Variants in AMER1 observed in about 807,000 individuals in gnomAD.
AMER1 encodes RP11-403E24.2.
A neutral mutation model predicts 53.0 loss-of-function variants in AMER1; 16 were observed. The ratio of observed to expected loss-of-function variants is 0.30; its 90% CI spans 0.20 to 0.46. The LOEUF (loss-of-function observed/expected upper bound fraction) is 0.46, where lower values mean the gene tolerates loss of function less well. Ranked by LOEUF, AMER1 falls within the 20% of genes least tolerant of loss-of-function variation. The pLI, the probability that AMER1 is intolerant of heterozygous loss-of-function variation, is 1.00. For synonymous variants in AMER1, 354 were observed against 331.9 expected, an observed-to-expected ratio of 1.07 and a Z score of -0.73; for missense variants, 947 against 884.9, an observed-to-expected ratio of 1.07 and a Z score of -0.89.
chrX:64,199,632 A>G (rs1045337685), intron 1 of AMER1, among the ~76,000 whole-genome samples: 2 of 110,792 alleles, frequency 1.8e-5, no homozygotes, highest in African/African-American at 3.3e-5. Context: ...CAGCTCCCCA[A>G]TTGCCACCCC....
rs2147085064 is a variant in AMER1, at chrX:64,190,405, C to T, written c.2882G>A (p.Trp961Ter). The T allele has an allele frequency of 8.3e-7, 1 of 1,211,369 alleles. No homozygotes were observed. The highest frequency in any genetic ancestry group is 1.1e-6 in the Non-Finnish European group (1 of 895,217). The change falls in exon 2 of 2, where the codon TGG becomes TAG. Residue 961 changes from tryptophan (W) to a stop codon, truncating the protein, a stop_gained. Coordinates refer to ENST00000374869, the MANE Select transcript of AMER1 (RefSeq NM_152424.4). LOFTEE classifies it high-confidence loss of function. ...CCCCACTGGAAGAGGACAGGGAGCC[C>T]AAGCAGGCCAATCATAGGCCCCTGG... ...EPPGAYDWPA[W>*]APCPLPVGPG...
At position 64,205,559 on chromosome X, in the gene AMER1, G is replaced by C. The variant is rs974471218; in HGVS notation, c.-99+11C>G. The C allele has an allele frequency of 6.2e-5, 7 of 113,012 alleles. No individual in the cohort carries two copies. The highest frequency in any genetic ancestry group is 2.3e-4 in the African/African-American group (7 of 31,089). 9.3% of individuals were successfully genotyped at this position (113,012 alleles called of 1,213,427 possible). Reference sequence around the variant, plus strand: ...GGCAGGCGGAGGCTCCTGGCTGTACGCAACGCTTACCCAGCCCGGTCAGGT... The same window carrying C: ...GGCAGGCGGAGGCTCCTGGCTGTACCCAACGCTTACCCAGCCCGGTCAGGT... On this transcript the variant is annotated intron_variant, in intron 1 of 1. Transcript: ENST00000374869.
chrX:64,201,844 C>T (rs923485621), intron 1 of AMER1, among the ~76,000 whole-genome samples: 1 of 111,702 alleles, frequency 9.0e-6, no homozygotes, highest in Admixed American at 9.4e-5. Context: ...CAGGAAATTT[C>T]GTGTTTCTTT....
In AMER1 at chrX:64,191,533, G is replaced by A. The variant is rs770324959; in HGVS notation, c.1754C>T (p.Ala585Val). Residue 585 changes from alanine to valine, a missense_variant, in exon 2 of 2, where the codon GCC becomes GTC. Transcript: ENST00000374869. ...REQLEAQEAR[A>V]REAHAREAHA... ...GGCCTCCCTGGCATGAGCTTCTCGG[G>A]CACGTGCCTCCTGGGCCTCAAGCTG... The A allele has an allele frequency of 4.9e-6, 6 of 1,212,151 alleles. No individual in the cohort carries two copies. The highest frequency in any genetic ancestry group is 6.7e-6 in the Non-Finnish European group (6 of 895,630).
At position 64,193,165 on chromosome X, in the gene AMER1, G is replaced by T. The variant is rs2147091280; in HGVS notation, c.122C>A (p.Thr41Asn). 8.3e-7 allele frequency: 1 copy of T among 1,211,974 alleles called. No homozygotes were observed. The highest frequency in any genetic ancestry group is 1.1e-6 in the Non-Finnish European group (1 of 895,573). The part of the protein sequence containing the change: ...NKAAEATEGP[T>N]SEPSSSGPGR... Reference sequence around the variant, plus strand: ...TGGGCCGGATGAGGATGGCTCTGAGGTTGGTCCTTCTGTCGCCTCAGCTGC... The same window carrying T: ...TGGGCCGGATGAGGATGGCTCTGAGTTTGGTCCTTCTGTCGCCTCAGCTGC... The change falls in exon 2 of 2, where the codon ACC (threonine) becomes AAC (asparagine). Residue 41 changes from threonine to asparagine, a missense_variant. Physicochemically the swap from Thr to Asn is moderately conservative, Grantham distance 65 (BLOSUM62 0). Coordinates refer to ENST00000374869, the MANE Select transcript of AMER1 (RefSeq NM_152424.4).
intron 1 of AMER1, among the ~76,000 whole-genome samples, chrX:64,201,453 A>ATG (rs1569194232): frequency 8.7e-5 from 9 of 103,297 alleles, no homozygotes; most frequent in African/African-American, 2.9e-4. Context: ...CCCCCAACAC[A>ATG]CACACACACA....
At position 64,186,734 on chromosome X, in the gene AMER1, G is replaced by A; in HGVS notation, c.*3145C>T. 1 of 776,274 alleles carries A rather than the reference G, an allele frequency of 1.3e-6. No homozygotes were observed. Among genetic ancestry groups the A allele is most frequent in the Non-Finnish European group, 1.5e-6 (1 of 652,010 alleles). 64.0% of individuals were successfully genotyped at this position (776,274 alleles called of 1,213,427 possible). ...TGGCCTGGTACCCAAGCTGAGGCCA[G>A]ATAGGTAGGGCTGGCTTGAACTGGG... On this transcript the variant is annotated 3_prime_UTR_variant, in exon 2 of 2. Transcript: ENST00000374869.
rs1365185659 is a variant in AMER1, at chrX:64,190,806, C to T, written c.2481G>A (p.Glu827=). The stretch of plus-strand genomic sequence containing the variant: ...CTGCAAGATCTTCATCATTGTGGAA[C>T]TCAGGATTCTCTTCACACTTGCCTT... ...DGEGKCEENP[E]FHNDEDLAAS... is the part of the protein sequence containing the mutation. Residue 827 remains glutamate (E), a synonymous_variant, in exon 2 of 2, where the codon GAG becomes GAA. Coordinates refer to ENST00000374869, the MANE Select transcript of AMER1 (RefSeq NM_152424.4). The T allele has an allele frequency of 2.5e-6, 3 of 1,209,152 alleles. No individual in the cohort carries two copies. The Admixed American group carries it at 6.6e-5, about 26-fold the overall frequency.
rs141789259 is a variant in AMER1, at chrX:64,191,944, A to G, written c.1343T>C (p.Leu448Pro). The part of the protein sequence containing the change: ...LLDPVRSYPG[L>P]APGELLTPQS... ...AGGAGTCAAAAGTTCCCCAGGGGCT[A>G]GGCCAGGATAAGACCTAACTGGGTC... Residue 448 changes from leucine to proline, a missense_variant, in exon 2 of 2, where the codon CTA (leucine) becomes CCA (proline). Coordinates refer to ENST00000374869, the MANE Select transcript of AMER1 (RefSeq NM_152424.4). 135 of 1,210,033 alleles carry G rather than the reference A, an allele frequency of 1.1e-4. No homozygotes were observed. Among genetic ancestry groups the G allele is most frequent in the Non-Finnish European group, 1.4e-4 (129 of 895,270 alleles).
In AMER1 at chrX:64,189,421, C is replaced by T. The variant is rs1473238874; in HGVS notation, c.*458G>A. ...GGGGCAGGGGGCACTAAAGGTTTAG[C>T]CTGTGTCAAGGATGCATGCTATATA... On this transcript the variant is annotated 3_prime_UTR_variant, in exon 2 of 2. Coordinates refer to ENST00000374869, the MANE Select transcript of AMER1 (RefSeq NM_152424.4). 1.3e-6 allele frequency: 1 copy of T among 770,331 alleles called. No homozygotes were observed. The allele number at this position is 770,331 out of a possible 1,213,427, so 63.5% of individuals were successfully genotyped here.
rs1446174636 is a variant in AMER1 at position 64,193,023 on chromosome X, T to A, written c.264A>T (p.Lys88Asn). ...SKGSGKGSSK[K>N]GLSKSKTHDG... ...CGTGGGTCTTGCTCTTGCTGAGACC[T>A]TTCTTGGAGCTGCCTTTCCCAGAAC... The change falls in exon 2 of 2, where the codon AAA becomes AAT. Residue 88 changes from lysine to asparagine, a missense_variant. Transcript: ENST00000374869. The A allele has an allele frequency of 8.3e-7, 1 of 1,210,028 alleles. No individual in the cohort carries two copies. Among genetic ancestry groups the A allele is most frequent in the Non-Finnish European group, 1.1e-6 (1 of 895,213 alleles).
chrX:64,200,983 G>C (rs930912075), intron 1 of AMER1, among the ~76,000 whole-genome samples: 11 of 111,415 alleles, frequency 9.9e-5, no homozygotes, highest in African/African-American at 3.6e-4. Flanking sequence ...ACTAGGGATG[G>C]AGGGTTAGTA....
Position 64,185,722 on chromosome X carries a change from G to A in AMER1, c.*4157C>T, listed in dbSNP as rs1284405359. On this transcript the variant is annotated 3_prime_UTR_variant, in exon 2 of 2. Coordinates refer to ENST00000374869, the MANE Select transcript of AMER1 (RefSeq NM_152424.4). ...GGAGATTCCCCCAAAGCAGCAAGAG[G>A]GGTGAAGGAGTTCCCCAAAGCCTCT... 2.2e-5 allele frequency: 4 copies of A among 183,055 alleles called. No homozygotes were observed. The highest frequency in any genetic ancestry group is 1.2e-4 in the African/African-American group (4 of 33,594). The allele number at this position is 183,055 out of a possible 1,213,427, so 15.1% of individuals were successfully genotyped here. A position where few individuals can be genotyped will look rare whatever the true frequency, so the allele number is the denominator to read the frequency against.
In AMER1 at chrX:64,191,242, G is replaced by C. The variant is rs2147086909; in HGVS notation, c.2045C>G (p.Thr682Ser). The change falls in exon 2 of 2, where the codon ACC (threonine) becomes AGC (serine). Residue 682 changes from threonine (T) to serine (S), a missense_variant. Thr to Ser is a moderately conservative substitution (Grantham distance 58). Coordinates refer to ENST00000374869, the MANE Select transcript of AMER1 (RefSeq NM_152424.4). The stretch of plus-strand genomic sequence containing the variant: ...GCTTGCAGTGGTGGGGAAAGCTGAG[G>C]TAATTCCCCGGTGGGAAATCTGAGA... The part of the protein sequence containing the change: ...GTSQISHRGI[T>S]SAFPTTASSE... 1 of 1,211,719 alleles carries C rather than the reference G, an allele frequency of 8.3e-7. No homozygotes were observed. Among genetic ancestry groups the C allele is most frequent in the Non-Finnish European group, 1.1e-6 (1 of 895,477 alleles).
Position 64,189,793 on chromosome X carries a change from ACCCCCAC to A in AMER1, c.*79_*85del. On this transcript the variant is annotated 3_prime_UTR_variant, in exon 2 of 2. Transcript: ENST00000374869. ...CAAAGGGTTTTCAAGTTAAACAACA[ACCCCCAC>A]CCCCCCACCCTTCTGCCCAACCCCT... is the stretch of plus-strand genomic sequence containing the variant. 3.4e-6 allele frequency: 1 copy of A among 291,961 alleles called. No homozygotes were observed. Among genetic ancestry groups the A allele is most frequent in the Non-Finnish European group, 4.9e-6 (1 of 204,724 alleles). 24.1% of individuals were successfully genotyped at this position (291,961 alleles called of 1,213,427 possible).
rs1262620539 is a variant in AMER1 at position 64,192,673 on chromosome X, T to C, written c.614A>G (p.His205Arg). ...CTGAGGGGCTGAGCTCACGTGCTCA[T>C]GAGGCCTGGCTCTGACCCTCTCAGG... ...KGPERVRARP[H>R]EHVSSAPQVP... Residue 205 changes from histidine (H) to arginine (R), a missense_variant, in exon 2 of 2, where the codon CAT (histidine) becomes CGT (arginine). Coordinates refer to ENST00000374869, the MANE Select transcript of AMER1 (RefSeq NM_152424.4). 6 of 1,168,333 alleles carry C rather than the reference T, an allele frequency of 5.1e-6. No homozygotes were observed. Among genetic ancestry groups the C allele is most frequent in the Non-Finnish European group, 6.8e-6 (6 of 876,459 alleles).
Position 64,185,630 on chromosome X carries a change from T to C in AMER1, c.*4249A>G. ...AGCAAGCCATCACCCTGAAAGTCAC[T>C]GTTCCCCAAAGTACCATCCACGTGT... On this transcript the variant is annotated 3_prime_UTR_variant, in exon 2 of 2. Coordinates refer to ENST00000374869, the MANE Select transcript of AMER1 (RefSeq NM_152424.4). 1 of 174,832 alleles carries C rather than the reference T, an allele frequency of 5.7e-6. No homozygotes were observed. The highest frequency in any genetic ancestry group is 7.4e-5 in the Admixed American group (1 of 13,455). 14.4% of individuals were successfully genotyped at this position (174,832 alleles called of 1,213,427 possible).
At chrX:64,200,527 T>A (rs1411575653) in intron 1 of AMER1, among the ~76,000 whole-genome samples, 1 of 112,108 alleles carries the variant, frequency 8.9e-6, no homozygotes, top group African/African-American at 3.2e-5. Context: ...GAGCAAATCC[T>A]TTCCCTGTTC....
chrX:64,188,104 C>T lies in AMER1; in HGVS notation c.*1775G>A, dbSNP rs1930143732. The T allele has an allele frequency of 2.5e-6, 2 of 792,402 alleles. No individual in the cohort carries two copies. Among genetic ancestry groups the T allele is most frequent in the Non-Finnish European group, 3.0e-6 (2 of 662,593 alleles). 65.3% of individuals were successfully genotyped at this position (792,402 alleles called of 1,213,427 possible). On this transcript the variant is annotated 3_prime_UTR_variant, in exon 2 of 2. Transcript: ENST00000374869. The stretch of plus-strand genomic sequence containing the variant: ...CATCCCCTGGCCAAGAAACAGTTTG[C>T]CCACAAAGTCACCTTGACTTAGGGG...
Sources: allele counts gnomAD v4.1 joint callset (sites outside exome capture counted in the v4.1 genomes callset), GRCh38; gene constraint gnomAD v4.1.1; transcripts MANE v1.5; gene names NCBI Gene and HGNC (gene_info 2026-07-23, HGNC 2026-07-21).